Variants in NLGN1 observed in about 807,000 individuals in gnomAD.
NLGN1 encodes the protein neuroligin 1.
A neutral mutation model predicts 65.5 loss-of-function variants in NLGN1; 12 were observed. That is an observed-to-expected ratio of 0.18 (90% CI 0.12 to 0.30). The LOEUF (loss-of-function observed/expected upper bound fraction) is 0.30. Ranked by LOEUF, NLGN1 falls within the 10% of genes least tolerant of loss-of-function variation. The pLI is 1.00. For missense variants in NLGN1, 750 were observed against 1,007.1 expected (o/e 0.74, Z 3.46); for synonymous variants, 350 against 359.5 (o/e 0.97, Z 0.30).
At chr3:173,887,375 G>A (rs1343860830) in intron 4 of NLGN1, among the ~76,000 whole-genome samples, 1 of 151,838 alleles carries the variant, frequency 6.6e-6, no homozygotes, top group South Asian at 2.1e-4. Context: ...CAACTTGATC[G>A]TAATGACTCA....
chr3:173,574,528 A>G (rs1464634007), intron 2 of NLGN1, among the ~76,000 whole-genome samples: 1 of 152,122 alleles, frequency 6.6e-6, no homozygotes, highest in Non-Finnish European at 1.5e-5. Context: ...ATTCCAAAAC[A>G]GTTGATGGTT....
At chr3:174,021,955 G>A (rs886115562) in intron 4 of NLGN1, among the ~76,000 whole-genome samples, 1 of 152,122 alleles carries the variant, frequency 6.6e-6, no homozygotes, top group African/African-American at 2.4e-5. Context: ...ACACAGAAGT[G>A]AGATTCTTGA....
At chr3:173,798,898 C>T (rs1244762700) in intron 3 of NLGN1, among the ~76,000 whole-genome samples, 1 of 151,896 alleles carries the variant, frequency 6.6e-6, no homozygotes, top group Non-Finnish European at 1.5e-5. Flanking sequence ...TCTTATTTTT[C>T]CCCCTCTGTT....
At chr3:173,866,716 G>C (rs1730253339) in intron 4 of NLGN1, among the ~76,000 whole-genome samples, 1 of 152,132 alleles carries the variant, frequency 6.6e-6, no homozygotes, top group Non-Finnish European at 1.5e-5. Context: ...TTAATACATA[G>C]CCACTGAAGG....
At chr3:173,408,543 G>C (rs1165526209) in intron 1 of NLGN1, among the ~76,000 whole-genome samples, 1 of 152,168 alleles carries the variant, frequency 6.6e-6, no homozygotes, top group East Asian at 1.9e-4. Context: ...CTGGAGATTA[G>C]GGAGGGAATC....
chr3:173,891,826 A>C lies in NLGN1; in HGVS notation c.646+83994A>C, dbSNP rs148739879. Among the ~76,000 whole-genome samples the C allele has an allele frequency of 3.3e-3, 506 of 152,338 alleles. 3 individuals are homozygous for C. Among genetic ancestry groups the C allele is most frequent in the African/African-American group, 0.012 (487 of 41,564 alleles). ...GAAACTCTCCAGCTCTGTCCTAATC[A>C]AGTCACAACAATGCCCATCATGCAG... On this transcript the variant is annotated intron_variant, in intron 4 of 6. Transcript: ENST00000457714.
chr3:173,728,738 C>T (rs1772272696), intron 3 of NLGN1, among the ~76,000 whole-genome samples: 1 of 151,964 alleles, frequency 6.6e-6, no homozygotes, highest in Non-Finnish European at 1.5e-5. Flanking sequence ...AATGAGGCAG[C>T]TATAAGTCAA....
chr3:174,115,019 A>T (rs529560634), intron 4 of NLGN1, among the ~76,000 whole-genome samples: 1 of 152,314 alleles, frequency 6.6e-6, no homozygotes, highest in African/African-American at 2.4e-5. Context: ...TTTGATAGAC[A>T]TATCTTTACT....
At chr3:173,887,461 CA>C (rs970290474) in intron 4 of NLGN1, among the ~76,000 whole-genome samples, 2 of 151,708 alleles carry the variant, frequency 1.3e-5, no homozygotes, top group Non-Finnish European at 2.9e-5. Flanking sequence ...TCTAAAACAT[CA>C]AAAAAATTTA....
In NLGN1 at chr3:174,060,635, C is replaced by T. The variant is rs555382530; in HGVS notation, c.647-214680C>T. Among the ~76,000 whole-genome samples the T allele has an allele frequency of 2.0e-4, 31 of 152,198 alleles. No individual in the cohort carries two copies. The South Asian group carries it at 6.2e-3, about 30-fold the overall frequency. On this transcript the variant is annotated intron_variant, in intron 4 of 6. Transcript: ENST00000457714. ...TGCTTACTCCTACACCTTCAAGATT[C>T]CCCCACTTTCAGTCAATCAATCATG... is the stretch of plus-strand genomic sequence containing the variant.
intron 2 of NLGN1, among the ~76,000 whole-genome samples, chr3:173,539,600 A>G (rs1465172017): frequency 8.5e-6 from 1 of 118,178 alleles, no homozygotes; most frequent in Non-Finnish European, 1.7e-5. Context: ...GTTATATAAT[A>G]TATGTATGTT....
chr3:173,727,383 T>G (rs1025088834), intron 3 of NLGN1, among the ~76,000 whole-genome samples: 1 of 152,118 alleles, frequency 6.6e-6, no homozygotes, highest in African/African-American at 2.4e-5. Context: ...AGAAAAATAT[T>G]TATAAAGCAC....
At chr3:173,717,649 T>C (rs922734118) in intron 3 of NLGN1, among the ~76,000 whole-genome samples, 4 of 152,170 alleles carry the variant, frequency 2.6e-5, no homozygotes, top group African/African-American at 2.4e-5. Context: ...GTATGGAATA[T>C]ATATAATCTT....
intron 3 of NLGN1, among the ~76,000 whole-genome samples, chr3:173,674,444 T>G (rs1762858776): frequency 6.6e-6 from 1 of 152,056 alleles, no homozygotes; most frequent in African/African-American, 2.4e-5. Context: ...AAAAAAAAAT[T>G]TAGCCAACAT....
chr3:174,133,714 A>G (rs1720643758), intron 4 of NLGN1, among the ~76,000 whole-genome samples: 1 of 152,120 alleles, frequency 6.6e-6, no homozygotes, highest in Non-Finnish European at 1.5e-5. Flanking sequence ...GCAAACTCGC[A>G]CACTTCCCAA....
chr3:173,705,148 G>A (rs1427431724), intron 3 of NLGN1, among the ~76,000 whole-genome samples: 1 of 151,194 alleles, frequency 6.6e-6, no homozygotes, highest in African/African-American at 2.4e-5. Flanking sequence ...GATCTCCTTT[G>A]GAAACATTTT....
chr3:174,286,285 A>G (rs1752106062), exon 7 of NLGN1: 1 of 151,496 alleles, frequency 6.6e-6, no homozygotes, highest in African/African-American at 2.4e-5. Flanking sequence ...TCCTTTATGG[A>G]AAGTCAAACC....
intron 2 of NLGN1, among the ~76,000 whole-genome samples, chr3:173,531,058 A>G (rs1736484517): frequency 6.6e-6 from 1 of 152,124 alleles, no homozygotes; most frequent in South Asian, 2.1e-4. Flanking sequence ...CTTCATTTTT[A>G]GAATATACAA....
chr3:173,986,633 C>T (rs1719999320), intron 4 of NLGN1, among the ~76,000 whole-genome samples: 1 of 152,180 alleles, frequency 6.6e-6, no homozygotes, highest in South Asian at 2.1e-4. Flanking sequence ...CTAACCTCCA[C>T]AAATGTGAGA....
Sources: gnomAD v4.1 joint callset for allele counts (sites outside exome capture counted in the v4.1 genomes callset) on GRCh38, gnomAD v4.1.1 for gene constraint, MANE v1.5 for transcripts, NCBI Gene and HGNC (gene_info 2026-07-23, HGNC 2026-07-21) for gene names.